TYMP: variants seen among roughly 807,000 people sequenced by gnomAD.
The protein encoded by TYMP is thymidine phosphorylase, also known as gliostatin.
Under a neutral mutation model 42.3 loss-of-function variants are expected in TYMP, and 46 were observed. The observed-to-expected ratio is 1.09, with a 90% CI of 0.86 to 1.39. The LOEUF is 1.39. TYMP is among the 40% of genes most tolerant of loss of function. TYMP has a pLI of 0.00. For synonymous variants in TYMP, 363 were observed against 308.0 expected, an observed-to-expected ratio of 1.18 and a Z score of -1.87; for missense variants, 837 against 677.6, an observed-to-expected ratio of 1.24 and a Z score of -2.61.
At position 50,527,610 on chromosome 22, in the gene TYMP, C is replaced by T. The variant is rs764931289; in HGVS notation, c.624G>A (p.Val208=). Residue 208 remains valine, a synonymous_variant, in exon 5 of 10, where the codon GTG becomes GTA. Coordinates refer to ENST00000252029, the MANE Select transcript of TYMP (RefSeq NM_001953.5). Reference sequence around the variant, plus strand: ...CACCTGTGATGAGTGGCAGGCTGTCCACGGTGGCTGTCACATCTCTGGCTG... The same window carrying T: ...CACCTGTGATGAGTGGCAGGCTGTCTACGGTGGCTGTCACATCTCTGGCTG... ...LYAARDVTAT[V]DSLPLITASI... 1.1e-5 allele frequency: 18 copies of T among 1,613,948 alleles called. No individual in the cohort carries two copies. Among genetic ancestry groups the T allele is most frequent in the Non-Finnish European group, 1.3e-5 (15 of 1,180,014 alleles).
In TYMP at chr22:50,529,926, C is replaced by T; in HGVS notation, c.-33G>A. 1 of 598,218 alleles carries T rather than the reference C, an allele frequency of 1.7e-6. No homozygotes were observed. Among genetic ancestry groups the T allele is most frequent in the South Asian group, 2.0e-5 (1 of 49,696 alleles). 37.1% of individuals were successfully genotyped at this position (598,218 alleles called of 1,614,324 possible). ...TACCTGCTTAGGGCGCTGCCCTCGC[C>T]CGCTTGCTCCGGATCCCAGCCCAGG... On this transcript the variant is annotated 5_prime_UTR_variant, in exon 1 of 10. Transcript: ENST00000252029.
At position 50,526,610 on chromosome 22, in the gene TYMP, G is replaced by T; in HGVS notation, c.894C>A (p.Gly298=). Residue 298 remains glycine (G), a synonymous_variant, in exon 7 of 10, where the codon GGC becomes GGA. Transcript: ENST00000252029. ...EEALLCMDGA[G]PPDLRDLVTT... Reference sequence around the variant, plus strand: ...TGACCAGGTCCCTTAAGTCTGGCGGGCCTGCGCCGTCCATGCAGAGCAGCG... The same window carrying T: ...TGACCAGGTCCCTTAAGTCTGGCGGTCCTGCGCCGTCCATGCAGAGCAGCG... 6.3e-7 allele frequency: 1 copy of T among 1,579,520 alleles called. No homozygotes were observed. The highest frequency in any genetic ancestry group is 1.8e-5 in the Admixed American group (1 of 55,998).
intron 5 of TYMP, 115 bp downstream of exon 5, chr22:50,527,473 G>A (rs752571355): frequency 6.5e-7 from 1 of 1,533,230 alleles, no homozygotes; most frequent in South Asian, 1.1e-5. Flanking sequence ...TCTTGTGATG[G>A]GGGTAGGGGG....
intron 3 of TYMP, chr22:50,528,829 G>A (rs1014296117): frequency 8.0e-6 from 5 of 622,870 alleles, no homozygotes; most frequent in African/African-American, 5.5e-5. Context: ...AAGGCTTGGG[G>A]CAGAGGGAGG....
In TYMP at chr22:50,527,150, G is replaced by A. The variant is rs577053111; in HGVS notation, c.765+15C>T. Reference sequence around the variant, plus strand: ...GCATCAAGACGCTTGCCCAGGGAAAGGCCACACCGCTCACCAGCGTCTTTG... The same window carrying A: ...GCATCAAGACGCTTGCCCAGGGAAAAGCCACACCGCTCACCAGCGTCTTTG... On this transcript the variant is annotated intron_variant, in intron 6 of 9. Transcript: ENST00000252029. 11 of 1,604,558 alleles carry A rather than the reference G, an allele frequency of 6.9e-6. 1 individual carries two copies. The African/African-American group carries it at 1.2e-4, about 18-fold the overall frequency.
At chr22:50,528,263 C>G (rs754255155) in intron 4 of TYMP, 30 of 562,990 alleles carry the variant, frequency 5.3e-5, no homozygotes, top group Non-Finnish European at 8.5e-5. Context: ...CTTCGGCCTC[C>G]CCAAGTGCTA....
chr22:50,529,052 C>T, intron 3 of TYMP, 84 bp downstream of exon 3: 2 of 1,438,744 alleles, frequency 1.4e-6, no homozygotes, highest in South Asian at 1.2e-5. Flanking sequence ...TTGGGCCAGG[C>T]TTGAGGTTGG....
Position 50,526,361 on chromosome 22 carries a change from C to T in TYMP, c.1044G>A (p.Ala348=), listed in dbSNP as rs886057633. 1.9e-6 allele frequency: 3 copies of T among 1,545,100 alleles called. No individual in the cohort carries two copies. The highest frequency in any genetic ancestry group is 1.2e-5 in the South Asian group (1 of 84,654). The change falls in exon 8 of 10, where the codon GCG becomes GCA. Residue 348 remains alanine (A), a synonymous_variant. Coordinates refer to ENST00000252029, the MANE Select transcript of TYMP (RefSeq NM_001953.5). ...SALGRFERML[A]AQGVDPGLAR... ...CCAGACCGGGATCCACGCCCTGCGC[C>T]GCCAGCATCCGCTCGAAGCGGCCAA...
At chr22:50,526,519 G>T in intron 7 of TYMP, 43 bp from the exon 8 acceptor site, 1 of 1,535,028 alleles carries the variant, frequency 6.5e-7, no homozygotes, top group Non-Finnish European at 8.7e-7. Flanking sequence ...GGTCGGGGCG[G>T]CCCCAGCGGG....
intron 2 of TYMP, 40 bp downstream of exon 2, chr22:50,529,456 T>C: frequency 6.2e-7 from 1 of 1,609,120 alleles, no homozygotes; most frequent in Non-Finnish European, 8.5e-7. Flanking sequence ...CGGGCTGACC[T>C]CCCAGTCGGG....
chr22:50,525,760 C>A lies in TYMP; in HGVS notation c.*10G>T, dbSNP rs369012029. Reference sequence around the variant, plus strand: ...CCCAAGCACTGACAAGGTTTCGCGGCAAAGGAGCTTTATTGCTGCGGCGGC... The same window carrying A: ...CCCAAGCACTGACAAGGTTTCGCGGAAAAGGAGCTTTATTGCTGCGGCGGC... On this transcript the variant is annotated 3_prime_UTR_variant, in exon 10 of 10. Coordinates refer to ENST00000252029, the MANE Select transcript of TYMP (RefSeq NM_001953.5). The A allele has an allele frequency of 8.1e-6, 13 of 1,610,126 alleles. No homozygotes were observed. Among genetic ancestry groups the A allele is most frequent in the Non-Finnish European group, 1.1e-5 (13 of 1,178,636 alleles).
At chr22:50,528,837 A>G (rs1240927761) in intron 3 of TYMP, 2 of 619,766 alleles carry the variant, frequency 3.2e-6, no homozygotes, top group Non-Finnish European at 5.8e-6. Flanking sequence ...GGGCAGAGGG[A>G]GGAAAGTCCT....
rs1064792866 is a variant in TYMP, at chr22:50,527,704, A to G, written c.530T>C (p.Leu177Pro). Residue 177 changes from leucine to proline, a missense_variant, in exon 5 of 10, where the codon CTG (leucine) becomes CCG (proline). By Grantham distance (98) the Leu-to-Pro change is moderately conservative (BLOSUM62 -3). Transcript: ENST00000252029. Reference protein sequence around the residue: ...IQSPEQMQVLLDQAGCCIVGQ... With the variant: ...IQSPEQMQVLPDQAGCCIVGQ... ...CACGATACAGCAGCCCGCCTGGTCC[A>G]GCAGCACTTGCATCTGGTCAGACAT... The G allele has an allele frequency of 6.2e-7, 1 of 1,612,904 alleles. No individual in the cohort carries two copies. Among genetic ancestry groups the G allele is most frequent in the Non-Finnish European group, 8.5e-7 (1 of 1,179,826 alleles).
At chr22:50,529,024 G>T in intron 3 of TYMP, 112 bp downstream of exon 3, 2 of 1,124,832 alleles carry the variant, frequency 1.8e-6, no homozygotes, top group Non-Finnish European at 2.6e-6. Flanking sequence ...GAGAAGCCTT[G>T]GTAGGGTCTT....
rs1220950952 is a variant in TYMP, at chr22:50,527,102, G to A, written c.765+63C>T. On this transcript the variant is annotated intron_variant, in intron 6 of 9. Transcript: ENST00000252029. ...GTGGAGGGAGGCAGTGGGGACGGGA[G>A]GGGTGAAGGGTAGGCTGGGCCCGCA... is the stretch of plus-strand genomic sequence containing the variant. The A allele has an allele frequency of 4.6e-6, 6 of 1,318,114 alleles. 1 individual carries two copies. Among genetic ancestry groups the A allele is most frequent in the Non-Finnish European group, 6.6e-6 (6 of 913,420 alleles). 81.7% of individuals were successfully genotyped at this position (1,318,114 alleles called of 1,614,324 possible). A position where few individuals can be genotyped will look rare whatever the true frequency, so the allele number is the denominator to read the frequency against.
rs746292679 is a variant in TYMP at position 50,529,357 on chromosome 22, C to T, written c.215-19G>A. 66 of 1,612,404 alleles carry T rather than the reference C, an allele frequency of 4.1e-5. 1 individual carries two copies. The Admixed American group carries it at 7.7e-4, about 19-fold the overall frequency. On this transcript the variant is annotated intron_variant, in intron 2 of 9. Transcript: ENST00000252029. ...ATGGCCCCTGGTATGTGGGGGTACG[C>T]GTGAGGGTGGCAGCCCACAGCGGTG...
intron 1 of TYMP, 64 bp downstream of exon 1, chr22:50,529,834 CGTGTCT>C (rs1555888030): frequency 1.1e-6 from 1 of 902,980 alleles, no homozygotes; most frequent in Non-Finnish European, 1.7e-6. Flanking sequence ...CCCTCGGTCC[CGTGTCT>C]GTGTCGCCCT....
chr22:50,529,658 A>C lies in TYMP; in HGVS notation c.52T>G (p.Phe18Val), dbSNP rs1223686288. 6.2e-7 allele frequency: 1 copy of C among 1,612,312 alleles called. No individual in the cohort carries two copies. Among genetic ancestry groups the C allele is most frequent in the East Asian group, 2.2e-5 (1 of 44,862 alleles). Residue 18 changes from phenylalanine to valine, a missense_variant, in exon 2 of 10, where the codon TTC (phenylalanine) becomes GTC (valine). Coordinates refer to ENST00000252029, the MANE Select transcript of TYMP (RefSeq NM_001953.5). ...AGTCCCTGGCTCCCTTCCCCGGAGA[A>C]GTCACCAGGCGCGGGTGGGGCCCCG... ...GTGAPPAPGD[F>V]SGEGSQGLPD...
rs760902146 is a variant in TYMP at position 50,529,218 on chromosome 22, A to G, written c.335T>C (p.Leu112Pro). The change falls in exon 3 of 10, where the codon CTT becomes CCT. Residue 112 changes from leucine to proline, a missense_variant. Coordinates refer to ENST00000252029, the MANE Select transcript of TYMP (RefSeq NM_001953.5). ...ACCCCCTGTGGAATGCTTGTCCACA[A>G]GCTGCTGGCGCCAGGCCTCTGGCCA... ...LEWPEAWRQQ[L>P]VDKHSTGGVG... 6.2e-7 allele frequency: 1 copy of G among 1,613,284 alleles called. No individual in the cohort carries two copies. The highest frequency in any genetic ancestry group is 8.5e-7 in the Non-Finnish European group (1 of 1,180,012).
Sources: allele counts gnomAD v4.1 joint callset, GRCh38; gene constraint gnomAD v4.1.1; transcripts MANE v1.5; gene names NCBI Gene and HGNC (gene_info 2026-07-23, HGNC 2026-07-21).